SART3: variants seen among roughly 807,000 people sequenced by gnomAD.
SART3 encodes the protein spliceosome associated factor 3, U4/U6 recycling protein, also known as HIV-1 Tat-interacting protein of 110kDa.
A neutral mutation model predicts 122.3 loss-of-function variants in SART3; 44 were observed. The observed-to-expected ratio is 0.36, with a 90% CI of 0.28 to 0.46. SART3 has a LOEUF of 0.46. Ranked by LOEUF, SART3 falls within the 20% of genes least tolerant of loss-of-function variation. The pLI is 1.00. For synonymous variants in SART3, 442 were observed against 454.0 expected, an observed-to-expected ratio of 0.97 and a Z score of 0.34; for missense variants, 1,101 against 1,229.0, an observed-to-expected ratio of 0.90 and a Z score of 1.56.
At chr12:108,543,531 G>A (rs531754846) in intron 5 of SART3, among the ~76,000 whole-genome samples, 3 of 152,266 alleles carry the variant, frequency 2.0e-5, no homozygotes, top group Non-Finnish European at 2.9e-5. Flanking sequence ...TCAGTTGCTC[G>A]TCTACAGTTA....
At chr12:108,535,595 G>T in intron 11 of SART3, 127 bp from the exon 12 acceptor site, 1 of 811,692 alleles carries the variant, frequency 1.2e-6, no homozygotes, top group Non-Finnish European at 2.1e-6. Context: ...ATGTCCCTGG[G>T]CATTCCCCAG....
chr12:108,554,048 A>T (rs1229793211), intron 1 of SART3: 1 of 152,170 alleles, frequency 6.6e-6, no homozygotes, highest in East Asian at 1.9e-4. Flanking sequence ...CTGCTCCTTC[A>T]GCCCAGAAGG....
intron 6 of SART3, among the ~76,000 whole-genome samples, chr12:108,541,436 T>C (rs1565863162): frequency 6.6e-6 from 1 of 151,666 alleles, no homozygotes; most frequent in Non-Finnish European, 1.5e-5. Flanking sequence ...GACAAACAAC[T>C]GGGGAGAAAA....
At chr12:108,538,791 TA>T in intron 7 of SART3, 142 bp downstream of exon 7, 1 of 975,252 alleles carries the variant, frequency 1.0e-6, no homozygotes, top group Non-Finnish European at 1.5e-6. Flanking sequence ...TAAAACTTTC[TA>T]AACGAGTTGG....
At position 108,538,949 on chromosome 12, in the gene SART3, A is replaced by T. The variant is rs919216087; in HGVS notation, c.1047T>A (p.Arg349=). The T allele has an allele frequency of 3.7e-6, 6 of 1,614,080 alleles. No individual in the cohort carries two copies. The highest frequency in any genetic ancestry group is 1.6e-4 in the Middle Eastern group (1 of 6,084). The change falls in exon 7 of 19, where the codon CGT becomes CGA. Residue 349 remains arginine (R), a synonymous_variant. Coordinates refer to ENST00000546815, the MANE Select transcript of SART3 (RefSeq NM_014706.4). ...GTGATCTTACTAGGTACTGACTGTA[A>T]CGGATCCATAAGTCTGGGACAAGGC... ...ENCLVPDLWI[R]YSQYLDRQLK...
chr12:108,534,335 G>C (rs948197146), intron 12 of SART3, among the ~76,000 whole-genome samples: 7 of 152,082 alleles, frequency 4.6e-5, no homozygotes, highest in African/African-American at 1.4e-4. Context: ...TGCAGATCTA[G>C]GGGGATATTC....
intron 8 of SART3, among the ~76,000 whole-genome samples, 196 bp downstream of exon 8, chr12:108,537,869 T>C (rs984988310): frequency 2.0e-5 from 3 of 152,146 alleles, no homozygotes; most frequent in African/African-American, 7.2e-5. Context: ...GAAAATACAA[T>C]GAATATTAGC....
chr12:108,559,821 A>G (rs2030409184), intron 1 of SART3, among the ~76,000 whole-genome samples: 1 of 152,134 alleles, frequency 6.6e-6, no homozygotes, highest in Non-Finnish European at 1.5e-5. Flanking sequence ...GGGTCTGCCC[A>G]GCAGGAGGCA....
intron 15 of SART3, among the ~76,000 whole-genome samples, chr12:108,528,695 A>C (rs187730373): frequency 1.2e-4 from 18 of 152,164 alleles, no homozygotes; most frequent in African/African-American, 4.3e-4. Flanking sequence ...GGTGTGGGAG[A>C]CCAAACAGGG....
At chr12:108,525,970 C>T in intron 16 of SART3, 129 bp downstream of exon 16, 1 of 812,468 alleles carries the variant, frequency 1.2e-6, no homozygotes, top group Non-Finnish European at 2.0e-6. Context: ...GACCTTGGCT[C>T]ACAAGGAAGT....
Position 108,526,236 on chromosome 12 carries a change from A to T in SART3, c.2233T>A (p.Phe745Ile). The T allele has an allele frequency of 6.2e-7, 1 of 1,614,188 alleles. No homozygotes were observed. Among genetic ancestry groups the T allele is most frequent in the Non-Finnish European group, 8.5e-7 (1 of 1,180,030 alleles). Reference sequence around the variant, plus strand: ...AACTCCACGTAGCAGTAACCTCGGAAATCCCCACGGTTGCTGAAGATGGGT... The same window carrying T: ...AACTCCACGTAGCAGTAACCTCGGATATCCCCACGGTTGCTGAAGATGGGT... ...IRPIFSNRGD[F>I]RGYCYVEFKE... Residue 745 changes from phenylalanine to isoleucine, a missense_variant, in exon 16 of 19, where the codon TTC becomes ATC. Around this residue, in one of 2 missense-constraint regions of SART3, gnomAD observed 885 missense variants for 1,080.1 expected, o/e 0.82. Transcript: ENST00000546815.
chr12:108,524,816 C>T (rs1213688913), intron 17 of SART3: 3 of 436,498 alleles, frequency 6.9e-6, no homozygotes, highest in African/African-American at 6.0e-5. Context: ...ATAAATCCAG[C>T]AAATAAACCA....
chr12:108,561,137 T>C lies in SART3; in HGVS notation c.18A>G (p.Glu6=), dbSNP rs2030532907. 6.2e-7 allele frequency: 1 copy of C among 1,613,362 alleles called. No homozygotes were observed. Among genetic ancestry groups the C allele is most frequent in the South Asian group, 1.1e-5 (1 of 91,068 alleles). Reference sequence around the variant, plus strand: ...CAGCCTCGGGTTCTGAAGCCGAGGTTTCGGCCGCAGTCGCCATCTTGCGCT... The same window carrying C: ...CAGCCTCGGGTTCTGAAGCCGAGGTCTCGGCCGCAGTCGCCATCTTGCGCT... The part of the protein sequence containing the change: MATAA[E]TSASEPEAES... The change falls in exon 1 of 19, where the codon GAA becomes GAG. Residue 6 remains glutamate, a synonymous_variant. Transcript: ENST00000546815.
chr12:108,525,597 T>C lies in SART3; in HGVS notation c.2383A>G (p.Ser795Gly). Residue 795 changes from serine (S) to glycine (G), a missense_variant, in exon 17 of 19, where the codon AGC (serine) becomes GGC (glycine). This residue lies in a region of SART3 where 885 missense variants were observed against 1,080.1 expected (regional missense o/e 0.82). Coordinates refer to ENST00000546815, the MANE Select transcript of SART3 (RefSeq NM_014706.4). ...KNPDFKVFRY[S>G]TSLEKHKLFI... ...AGCTTGTGTTTCTCTAGGGAAGTGC[T>C]GTACCTGAACACCTATAGGAAGAAG... is the stretch of plus-strand genomic sequence containing the variant. 6.2e-7 allele frequency: 1 copy of C among 1,614,152 alleles called. No individual in the cohort carries two copies. Among genetic ancestry groups the C allele is most frequent in the Non-Finnish European group, 8.5e-7 (1 of 1,179,994 alleles).
chr12:108,527,525 G>C (rs1017111135), intron 15 of SART3, among the ~76,000 whole-genome samples: 1 of 152,150 alleles, frequency 6.6e-6, no homozygotes, highest in Non-Finnish European at 1.5e-5. Flanking sequence ...CCACAGTCCT[G>C]ATCACACGCC....
At chr12:108,537,659 C>T (rs1036389027) in intron 8 of SART3, 64 bp from the exon 9 acceptor site, 1 of 1,177,204 alleles carries the variant, frequency 8.5e-7, no homozygotes, top group Non-Finnish European at 1.3e-6. Flanking sequence ...AAAGTCACTA[C>T]ATTCTACTGA....
chr12:108,560,962 T>C lies in SART3; in HGVS notation c.193A>G (p.Ser65Gly). 6 of 1,614,068 alleles carry C rather than the reference T, an allele frequency of 3.7e-6. No homozygotes were observed. The highest frequency in any genetic ancestry group is 5.1e-6 in the Non-Finnish European group (6 of 1,179,990). ...WDQQEEGVSE[S>G]DGDEYAMASS... is the part of the protein sequence containing the mutation. ...GCCATGGCGTACTCATCCCCATCGC[T>C]CTCGCTCACGCCTTCCTCCTGCTGA... The change falls in exon 1 of 19, where the codon AGC (serine) becomes GGC (glycine). Residue 65 changes from serine (S) to glycine (G), a missense_variant. Physicochemically the swap from Ser to Gly is moderately conservative, Grantham distance 56. Transcript: ENST00000546815.
In SART3 at chr12:108,551,048, A is replaced by G. The variant is rs188547771; in HGVS notation, c.313-1834T>C. 8.5e-5 allele frequency among the ~76,000 whole-genome samples: 13 copies of G among 152,354 alleles called. No individual in the cohort carries two copies. In the East Asian group the frequency reaches 2.5e-3, roughly 29 times the overall value. ...TGCTAATTAAAAGGTAGATAATGGTAGAGTGGATAAAAACACAACCCAACT... is the reference window on the plus strand; with the variant it reads ...TGCTAATTAAAAGGTAGATAATGGTGGAGTGGATAAAAACACAACCCAACT... On this transcript the variant is annotated intron_variant, in intron 1 of 18. Transcript: ENST00000546815.
chr12:108,554,928 A>G (rs2030153652), intron 1 of SART3, among the ~76,000 whole-genome samples: 1 of 152,160 alleles, frequency 6.6e-6, no homozygotes, highest in Non-Finnish European at 1.5e-5. Context: ...TAGCAAAGTG[A>G]CAAGCAATAA....
Sources: allele counts gnomAD v4.1 joint callset (sites outside exome capture counted in the v4.1 genomes callset), GRCh38; gene constraint gnomAD v4.1.1; regional missense constraint gnomAD v4.1.1; transcripts MANE v1.5; gene names NCBI Gene and HGNC (gene_info 2026-07-23, HGNC 2026-07-21).